The following TTC6 variants were observed in gnomAD, a reference collection of about 807,000 sequenced individuals.
The protein encoded by TTC6 is tetratricopeptide repeat domain 6.
Under a neutral mutation model 210.4 loss-of-function variants are expected in TTC6, and 172 were observed. The observed-to-expected ratio is 0.82, with a 90% CI of 0.72 to 0.93. The LOEUF is 0.93. TTC6 is among the 40% of genes least tolerant of loss of function. The probability of loss-of-function intolerance (pLI) is 0.00; values close to 1 mark genes in which losing one functional copy is unlikely to be tolerated. For synonymous variants in TTC6, 804 were observed against 819.6 expected, an observed-to-expected ratio of 0.98 and a Z score of 0.32; for missense variants, 2,414 against 2,318.1, an observed-to-expected ratio of 1.04 and a Z score of -0.85.
chr14:37,792,776 T>TTGTG (rs34766491), intron 17 of TTC6, among the ~76,000 whole-genome samples: 2,207 of 140,084 alleles, frequency 0.016, 25 homozygotes, highest in Middle Eastern at 0.033. Flanking sequence ...TGGTCCAATG[T>TTGTG]TGTGTGTGTG....
intron 1 of TTC6, among the ~76,000 whole-genome samples, chr14:37,631,723 A>G (rs190693159): frequency 2.0e-5 from 3 of 152,100 alleles, no homozygotes; most frequent in South Asian, 2.1e-4. Flanking sequence ...ACTTGGTTCC[A>G]TTCTCTCCGT....
At position 37,773,305 on chromosome 14, in the gene TTC6, A is replaced by T. The variant is rs115588107; in HGVS notation, c.3267-14163A>T. ...ATTTGTCAACTTTGTTTTTGTTGCA[A>T]TTTGCTTCTGGCATTTTCATCATGA... On this transcript the variant is annotated intron_variant, in intron 14 of 30. Transcript: ENST00000553443. Among the ~76,000 whole-genome samples, 476 of 152,136 alleles carry T rather than the reference A, an allele frequency of 3.1e-3. 1 individual carries two copies. The highest frequency in any genetic ancestry group is 0.011 in the African/African-American group (459 of 41,494).
Position 37,804,700 on chromosome 14 carries a change from G to A in TTC6, c.4050G>A (p.Lys1350=), listed in dbSNP as rs948109394. ...TATAGGAAGCTGTGGAAGTGCTTAAGAAGGCTTTGGATGCCATTTCTCATT... is the reference window on the plus strand; with the variant it reads ...TATAGGAAGCTGTGGAAGTGCTTAAAAAGGCTTTGGATGCCATTTCTCATT... The change falls in exon 21 of 31, where the codon AAG becomes AAA. Residue 1350 remains lysine (K), a synonymous_variant. Coordinates refer to ENST00000553443, the Ensembl canonical transcript of TTC6. The A allele has an allele frequency of 3.7e-6, 6 of 1,613,806 alleles. No individual in the cohort carries two copies. The African/African-American group carries it at 6.7e-5, about 18-fold the overall frequency.
chr14:37,727,291 ATTTTTTTT>A (rs368293440), intron 7 of TTC6, among the ~76,000 whole-genome samples: 1 of 92,242 alleles, frequency 1.1e-5, no homozygotes, highest in Non-Finnish European at 2.2e-5. Flanking sequence ...TATTTTTCTA[ATTTTTTTT>A]TTTTTTTTTT....
At chr14:37,671,871 A>G (rs945364154) in intron 1 of TTC6, among the ~76,000 whole-genome samples, 3 of 152,090 alleles carry the variant, frequency 2.0e-5, no homozygotes, top group African/African-American at 7.2e-5. Context: ...GGTTTTATCA[A>G]TGGTATTTTT....
At chr14:37,751,979 A>G (rs2095953639) in intron 13 of TTC6, among the ~76,000 whole-genome samples, 1 of 151,832 alleles carries the variant, frequency 6.6e-6, no homozygotes, top group East Asian at 1.9e-4. Flanking sequence ...GCCCGCCACT[A>G]TGCCCGGTTA....
intron 2 of TTC6, among the ~76,000 whole-genome samples, chr14:37,612,028 A>G (rs1338872264): frequency 6.6e-6 from 1 of 152,152 alleles, no homozygotes; most frequent in African/African-American, 2.4e-5. Context: ...AAGTTGAACA[A>G]ATTGCTTTTT....
At chr14:37,714,718 G>T in exon 6 of TTC6, 2 of 1,535,524 alleles carry the variant, frequency 1.3e-6, no homozygotes, top group Non-Finnish European at 1.7e-6. Context: ...CTCCGACACC[G>T]CAAGGGATAC....
In TTC6 at chr14:37,817,597, T is replaced by A. The variant is rs761314641; in HGVS notation, c.4709T>A (p.Leu1570Gln). 5 of 1,614,042 alleles carry A rather than the reference T, an allele frequency of 3.1e-6. No individual in the cohort carries two copies. The African/African-American group carries it at 4.0e-5, about 13-fold the overall frequency. The change falls in exon 26 of 31, where the codon CTG becomes CAG. Residue 1570 changes from leucine to glutamine, a missense_variant. Physicochemically the swap from Leu to Gln is moderately radical, Grantham distance 113. Transcript: ENST00000553443. ...TTTCAGGATTTTAAACAAGCTGCACTGATAAGCCGGACTAACGGGAGCCTT... is the reference window on the plus strand; with the variant it reads ...TTTCAGGATTTTAAACAAGCTGCACAGATAAGCCGGACTAACGGGAGCCTT...
At chr14:37,618,427 C>T (rs915574502), upstream of TTC6, among the ~76,000 whole-genome samples, 3 of 152,210 alleles carry the variant, frequency 2.0e-5, no homozygotes, top group African/African-American at 7.2e-5. Flanking sequence ...TAAACATAAT[C>T]AACCTGGTTT....
At chr14:37,679,052 C>G (rs1202806173) in intron 1 of TTC6, among the ~76,000 whole-genome samples, 1 of 152,034 alleles carries the variant, frequency 6.6e-6, no homozygotes, top group Admixed American at 6.6e-5. Context: ...GATACCCCAT[C>G]TCTACAAAAA....
chr14:37,614,829 C>T (rs2095640133), intron 2 of TTC6, among the ~76,000 whole-genome samples: 1 of 152,102 alleles, frequency 6.6e-6, no homozygotes, highest in South Asian at 2.1e-4. Flanking sequence ...TCATTGCAGC[C>T]TCTGCCTCCT....
chr14:37,659,095 CA>C (rs1374137244), intron 1 of TTC6, among the ~76,000 whole-genome samples: 1 of 152,106 alleles, frequency 6.6e-6, no homozygotes, highest in African/African-American at 2.4e-5. Flanking sequence ...CATGCTCCCA[CA>C]AAAGACATGA....
intron 3 of TTC6, among the ~76,000 whole-genome samples, chr14:37,694,335 GCAAA>G (rs1052943457): frequency 6.6e-6 from 1 of 152,014 alleles, no homozygotes; most frequent in Non-Finnish European, 1.5e-5. Flanking sequence ...CATACAAATG[GCAAA>G]CAGACATATG....
chr14:37,622,409 TC>T lies in TTC6; in HGVS notation c.346del (p.Arg116AlafsTer18). The T allele has an allele frequency of 6.5e-7, 1 of 1,534,454 alleles. No individual in the cohort carries two copies. The highest frequency in any genetic ancestry group is 8.7e-7 in the Non-Finnish European group (1 of 1,146,264). On this transcript the variant is annotated frameshift_variant, in exon 1 of 31. Transcript: ENST00000553443. LOFTEE classifies it high-confidence loss of function. ...CGGCTCCAGGCAAGACCCGGTCGTT[TC>T]GCCCCCGGGACTTTTACTTGCGGAG...
At chr14:37,698,039 A>G (rs1473282300) in intron 4 of TTC6, among the ~76,000 whole-genome samples, 1 of 152,028 alleles carries the variant, frequency 6.6e-6, no homozygotes. Context: ...TTGTTGATAT[A>G]TATATATTAC....
chr14:37,642,108 C>T lies in TTC6; in HGVS notation c.939+19105C>T, dbSNP rs539012163. Among the ~76,000 whole-genome samples, 300 of 152,280 alleles carry T rather than the reference C, an allele frequency of 2.0e-3. 1 individual carries two copies. The highest frequency in any genetic ancestry group is 4.8e-3 in the Admixed American group (74 of 15,290). The stretch of plus-strand genomic sequence containing the variant: ...CTCAGGTATCCAGAATTCTTTGTCC[C>T]TTGACTTCTCTTTCAGATCTCTGCT... On this transcript the variant is annotated intron_variant, in intron 1 of 30. Coordinates refer to ENST00000553443, the Ensembl canonical transcript of TTC6.
exon 26 of TTC6, chr14:37,817,650 A>C (rs2096145346): frequency 6.2e-7 from 1 of 1,613,764 alleles, no homozygotes. Context: ...GTGCCATCAC[A>C]GGTATGGAGT....
At position 37,792,410 on chromosome 14, in the gene TTC6, T is replaced by G; in HGVS notation, c.3704T>G (p.Phe1235Cys). ...TATCTTTGTCGGGCGGAAACCTATT[T>G]TAAGGTATTTAAGGCTCGAGAACCT... Residue 1235 changes from phenylalanine (F) to cysteine (C), a missense_variant, in exon 17 of 31, where the codon TTT (phenylalanine) becomes TGT (cysteine). Transcript: ENST00000553443. The G allele has an allele frequency of 4.7e-6, 7 of 1,491,030 alleles. 1 individual carries two copies. Among genetic ancestry groups the G allele is most frequent in the Non-Finnish European group, 6.2e-6 (7 of 1,129,796 alleles). The allele number at this position is 1,491,030 out of a possible 1,614,324, so 92.4% of individuals were successfully genotyped here. A position where few individuals can be genotyped will look rare whatever the true frequency, so the allele number is the denominator to read the frequency against.
Sources: gnomAD v4.1 joint callset for allele counts (sites outside exome capture counted in the v4.1 genomes callset) on GRCh38, gnomAD v4.1.1 for gene constraint, MANE v1.5 for transcripts, NCBI Gene and HGNC (gene_info 2026-07-23, HGNC 2026-07-21) for gene names.